The following RYR3 variants were observed in gnomAD, a reference collection of about 807,000 sequenced individuals.
RYR3 encodes the protein brain ryanodine receptor-calcium release channel.
Under a neutral mutation model 584.3 loss-of-function variants are expected in RYR3, and 207 were observed. The ratio of observed to expected loss-of-function variants is 0.35; its 90% CI spans 0.32 to 0.40. RYR3 has a LOEUF of 0.40. Ranked by LOEUF, RYR3 falls within the 10% of genes least tolerant of loss-of-function variation. The pLI is 1.00. For missense variants in RYR3, 5,616 were observed against 6,089.2 expected (o/e 0.92, Z 2.59); for synonymous variants, 2,416 against 2,248.5 (o/e 1.07, Z -2.11).
Position 33,325,648 on chromosome 15 carries a change from C to T in RYR3, c.51+14552C>T, listed in dbSNP as rs146660580. On this transcript the variant is annotated intron_variant, in intron 1 of 103. Coordinates refer to ENST00000634891, the MANE Select transcript of RYR3 (RefSeq NM_001036.6). ...CTTTTCTTTTCTTTTCCTCTCTTTC[C>T]TTTTCTTTTCTTTTCCTTTCCTGCC... Among the ~76,000 whole-genome samples the T allele has an allele frequency of 5.4e-3, 817 of 150,968 alleles. 8 individuals are homozygous for T. The highest frequency in any genetic ancestry group is 0.019 in the African/African-American group (774 of 41,106).
chr15:33,340,031 T>C (rs1372095137), intron 1 of RYR3, among the ~76,000 whole-genome samples: 1 of 152,218 alleles, frequency 6.6e-6, no homozygotes, highest in Non-Finnish European at 1.5e-5. Flanking sequence ...GGGTGGCCTG[T>C]CCAAAGGGCG....
At chr15:33,389,983 T>A (rs1327608430) in intron 1 of RYR3, among the ~76,000 whole-genome samples, 1 of 152,218 alleles carries the variant, frequency 6.6e-6, no homozygotes, top group African/African-American at 2.4e-5. Flanking sequence ...AAAGTTACAA[T>A]GAAGAGGGCC....
At chr15:33,827,107 A>T in intron 84 of RYR3, 92 bp from the exon 85 acceptor site, 1 of 1,061,956 alleles carries the variant, frequency 9.4e-7, no homozygotes. Flanking sequence ...GCCTTTTCAC[A>T]TAGAATGTCT....
At chr15:33,340,453 G>A (rs1595775125) in intron 1 of RYR3, among the ~76,000 whole-genome samples, 1 of 152,310 alleles carries the variant, frequency 6.6e-6, no homozygotes, top group Admixed American at 6.5e-5. Flanking sequence ...TAGCCTGCTA[G>A]GGATGCCATT....
intron 2 of RYR3, among the ~76,000 whole-genome samples, chr15:33,498,776 T>G (rs1206150932): frequency 6.6e-6 from 1 of 152,202 alleles, no homozygotes; most frequent in East Asian, 1.9e-4. Context: ...GAATCATTTT[T>G]AGATGTCTTC....
chr15:33,453,774 A>G (rs2047324830), intron 1 of RYR3, among the ~76,000 whole-genome samples: 1 of 152,202 alleles, frequency 6.6e-6, no homozygotes, highest in African/African-American at 2.4e-5. Context: ...GGGAAATAAT[A>G]CTAATGTCTT....
chr15:33,761,388 A>T (rs2072429278), intron 60 of RYR3, among the ~76,000 whole-genome samples: 1 of 152,196 alleles, frequency 6.6e-6, no homozygotes, highest in South Asian at 2.1e-4. Flanking sequence ...GAAGAATCAA[A>T]TAGACACAAT....
chr15:33,487,583 T>A (rs1362989213), intron 2 of RYR3, among the ~76,000 whole-genome samples: 1 of 152,206 alleles, frequency 6.6e-6, no homozygotes, highest in Non-Finnish European at 1.5e-5. Context: ...CAGAGTTCAC[T>A]AAGAATGTTC....
At chr15:33,809,400 GC>G (rs2076388516) in intron 70 of RYR3, among the ~76,000 whole-genome samples, 1 of 152,118 alleles carries the variant, frequency 6.6e-6, no homozygotes, top group Non-Finnish European at 1.5e-5. Context: ...TCCAGCAAGT[GC>G]CCACTGAGGC....
intron 69 of RYR3, among the ~76,000 whole-genome samples, chr15:33,805,768 C>A (rs1250975509): frequency 6.6e-6 from 1 of 152,136 alleles, no homozygotes; most frequent in African/African-American, 2.4e-5. Flanking sequence ...TGAGCCACCA[C>A]ACCCGGCCTT....
intron 31 of RYR3, among the ~76,000 whole-genome samples, chr15:33,650,238 G>A (rs144404950): frequency 0.011 from 1,731 of 152,218 alleles, 29 homozygotes; most frequent in African/African-American, 0.04. Flanking sequence ...TTAGCTGGGC[G>A]TGGTGGCGTG....
intron 20 of RYR3, among the ~76,000 whole-genome samples, chr15:33,625,088 T>G (rs2060916263): frequency 6.6e-6 from 1 of 152,196 alleles, no homozygotes; most frequent in Non-Finnish European, 1.5e-5. Flanking sequence ...TCTGCATGGC[T>G]GGGGAGGCCT....
Position 33,646,529 on chromosome 15 carries a change from G to A in RYR3, c.3941+3G>A, listed in dbSNP as rs1313914539. ...GACAGTGAAGCTTTCCAGAAAAGGT[G>A]AGGGTGAGGCCTCCAGTTCTCAGAG... On this transcript the variant is annotated splice_donor_region_variant and intron_variant, in intron 29 of 103. Coordinates refer to ENST00000634891, the MANE Select transcript of RYR3 (RefSeq NM_001036.6). 6.2e-7 allele frequency: 1 copy of A among 1,606,928 alleles called. No homozygotes were observed. The highest frequency in any genetic ancestry group is 1.1e-5 in the South Asian group (1 of 90,428).
chr15:33,487,089 T>C (rs2050494504), intron 2 of RYR3, among the ~76,000 whole-genome samples: 1 of 151,958 alleles, frequency 6.6e-6, no homozygotes, highest in Non-Finnish European at 1.5e-5. Flanking sequence ...TCCCAGCTAC[T>C]TGGAAGGCCA....
chr15:33,628,968 A>G (rs531658244), intron 21 of RYR3, among the ~76,000 whole-genome samples: 2 of 152,218 alleles, frequency 1.3e-5, no homozygotes, highest in Non-Finnish European at 2.9e-5. Flanking sequence ...ATCATTTTTC[A>G]GAGAGAATGT....
chr15:33,488,723 G>A lies in RYR3; in HGVS notation c.172-14908G>A, dbSNP rs746134529. Among the ~76,000 whole-genome samples the A allele has an allele frequency of 2.0e-5, 3 of 152,050 alleles. No homozygotes were observed. The East Asian group carries it at 5.8e-4, about 29-fold the overall frequency. ...AAAAATTAGCCAGGCATGGTGACACGTGCCTATAGTTCCAGCTATTCGGGA... is the reference window on the plus strand; with the variant it reads ...AAAAATTAGCCAGGCATGGTGACACATGCCTATAGTTCCAGCTATTCGGGA... On this transcript the variant is annotated intron_variant, in intron 2 of 103. Coordinates refer to ENST00000634891, the MANE Select transcript of RYR3 (RefSeq NM_001036.6).
At position 33,584,428 on chromosome 15, in the gene RYR3, C is replaced by G. The variant is rs747398384; in HGVS notation, c.1607C>G (p.Ala536Gly). ...ATTCGCGGAAACAGAAACAATTGCG[C>G]TCAATTCTCCAATAACCTTGATTGG... ...ALIRGNRNNC[A>G]QFSNNLDWLI... Residue 536 changes from alanine to glycine, a missense_variant, in exon 15 of 104, where the codon GCT (alanine) becomes GGT (glycine). Physicochemically the swap from Ala to Gly is moderately conservative, Grantham distance 60. Around this residue, in one of 9 missense-constraint regions of RYR3, gnomAD observed 1,284 missense variants for 1,344.6 expected, o/e 0.95. Coordinates refer to ENST00000634891, the MANE Select transcript of RYR3 (RefSeq NM_001036.6). 5 of 1,609,166 alleles carry G rather than the reference C, an allele frequency of 3.1e-6. No individual in the cohort carries two copies. Among genetic ancestry groups the G allele is most frequent in the South Asian group, 2.2e-5 (2 of 90,350 alleles).
At position 33,819,503 on chromosome 15, in the gene RYR3, C is replaced by G. The variant is rs1011385015; in HGVS notation, c.10707-253C>G. Among the ~76,000 whole-genome samples the G allele has an allele frequency of 7.2e-5, 11 of 151,958 alleles. No individual in the cohort carries two copies. In the East Asian group the frequency reaches 2.1e-3, roughly 30 times the overall value. On this transcript the variant is annotated intron_variant, in intron 76 of 103. Transcript: ENST00000634891. ...CCTGGCCAATATGGTGAAACCCCAT[C>G]TCTACTAAAAATATAAAAAAGTTAG...
At chr15:33,820,996 C>T (rs569449800) in intron 78 of RYR3, among the ~76,000 whole-genome samples, 184 bp downstream of exon 78, 7 of 58,096 alleles carry the variant, frequency 1.2e-4, no homozygotes, top group Admixed American at 1.7e-4. Context: ...TTTAATGTTG[C>T]GTTGCTTCCC....
Sources: gnomAD v4.1 joint callset for allele counts (sites outside exome capture counted in the v4.1 genomes callset) on GRCh38, gnomAD v4.1.1 for gene constraint, gnomAD v4.1.1 regional missense constraint, MANE v1.5 for transcripts, NCBI Gene and HGNC (gene_info 2026-07-23, HGNC 2026-07-21) for gene names.